PRKAR1B: variants seen among roughly 807,000 people sequenced by gnomAD.
PRKAR1B encodes the protein protein kinase cAMP-dependent type I regulatory subunit beta, also known as cAMP-dependent protein kinase type I-beta regulatory subunit.
PRKAR1B carries 22 observed loss-of-function variants against 46.5 expected under a neutral mutation model. The observed-to-expected ratio is 0.47, with a 90% CI of 0.34 to 0.68. The LOEUF is 0.68. Among genes scored for constraint, PRKAR1B ranks in the 30% least tolerant of loss-of-function variants. The probability of loss-of-function intolerance (pLI) is 0.01; values close to 1 mark genes in which losing one functional copy is unlikely to be tolerated. For synonymous variants in PRKAR1B, 259 were observed against 217.7 expected, an observed-to-expected ratio of 1.19 and a Z score of -1.67; for missense variants, 445 against 535.6, an observed-to-expected ratio of 0.83 and a Z score of 1.67.
intron 4 of PRKAR1B, among the ~76,000 whole-genome samples, chr7:642,511 G>T (rs1023162724): frequency 2.1e-4 from 32 of 152,036 alleles, no homozygotes; most frequent in African/African-American, 7.7e-4. Context: ...GGATCACGAG[G>T]TCAGGAGATC....
rs1217754758 is a variant in PRKAR1B, at chr7:550,535, A to C, written c.1041T>G (p.Cys347Trp). 1.2e-6 allele frequency: 2 copies of C among 1,605,708 alleles called. No homozygotes were observed. The highest frequency in any genetic ancestry group is 1.7e-6 in the Non-Finnish European group (2 of 1,176,660). ...ATVVARGPLK[C>W]VKLDRPRFER... ...CGAAGCGGGGCCGGTCCAGCTTCAC[A>C]CACTTGAGGGGCCCCCGGGCCACGA... Residue 347 changes from cysteine (C) to tryptophan (W), a missense_variant, in exon 11 of 11, where the codon TGT (cysteine) becomes TGG (tryptophan). By Grantham distance (215) the Cys-to-Trp change is radical. This residue lies in a region of PRKAR1B where 127 missense variants were observed against 138.0 expected (regional missense o/e 0.92). Coordinates refer to ENST00000537384, the MANE Select transcript of PRKAR1B (RefSeq NM_001164760.2).
Position 579,337 on chromosome 7 carries a change from C to T in PRKAR1B, c.810G>A (p.Ala270=), listed in dbSNP as rs77809618. The T allele has an allele frequency of 1.9e-3, 3,068 of 1,614,134 alleles. 18 individuals are homozygous for T. The highest frequency in any genetic ancestry group is 0.012 in the Middle Eastern group (72 of 6,062). ...CATCTTCAAACTGGACGGGCTCCAG[C>T]GCATCCGCCACGGTCAGACGCTCCC... ...EKWERLTVAD[A]LEPVQFEDGE... The change falls in exon 9 of 11, where the codon GCG becomes GCA. Residue 270 remains alanine (A), a synonymous_variant. Transcript: ENST00000537384.
intron 3 of PRKAR1B, among the ~76,000 whole-genome samples, chr7:677,635 C>A (rs561577578): frequency 6.6e-6 from 1 of 152,220 alleles, no homozygotes; most frequent in East Asian, 1.9e-4. Flanking sequence ...CTATGTTGCC[C>A]AGGCTGGTCT....
rs1175584128 is a variant in PRKAR1B at position 685,266 on chromosome 7, ATACG to A, written c.178-4544_178-4541del. Among the ~76,000 whole-genome samples the A allele has an allele frequency of 1.5e-3, 42 of 27,832 alleles. 7 individuals are homozygous for A. Among genetic ancestry groups the A allele is most frequent in the African/African-American group, 7.1e-3 (42 of 5,910 alleles). 18.3% of individuals were successfully genotyped at this position (27,832 alleles called of 152,430 possible). On this transcript the variant is annotated intron_variant, in intron 2 of 10. Coordinates refer to ENST00000537384, the MANE Select transcript of PRKAR1B (RefSeq NM_001164760.2). ...TATAACACGTTTTATATATACATATATACGTATATATACGTATATATATGTATAC... is the reference window on the plus strand; with the variant it reads ...TATAACACGTTTTATATATACATATATATATATACGTATATATATGTATAC...
chr7:655,256 A>T (rs1200600970), intron 4 of PRKAR1B, among the ~76,000 whole-genome samples: 2 of 152,186 alleles, frequency 1.3e-5, no homozygotes, highest in East Asian at 1.9e-4. Flanking sequence ...GCCCTACAAG[A>T]TCTGGCGCCT....
intron 9 of PRKAR1B, among the ~76,000 whole-genome samples, chr7:561,008 A>G (rs976568063): frequency 6.6e-6 from 1 of 151,504 alleles, no homozygotes; most frequent in African/African-American, 2.5e-5. Flanking sequence ...AGAATCCTAT[A>G]CATACACACA....
intron 4 of PRKAR1B, among the ~76,000 whole-genome samples, chr7:673,162 G>C (rs1786383232): frequency 1.3e-5 from 2 of 149,362 alleles, no homozygotes; most frequent in Admixed American, 1.4e-4. Context: ...GACTCTGTCT[G>C]CAAAGAGGGA....
In PRKAR1B at chr7:666,535, G is replaced by C. The variant is rs1359750897; in HGVS notation, c.440+10694C>G. On this transcript the variant is annotated intron_variant, in intron 4 of 10. Transcript: ENST00000537384. The surrounding 1 kb of genome is among the most constrained non-coding windows in gnomAD (Gnocchi z 4.9). ...TCAACTCTGCAGAGGGGCTGTGCAG[G>C]TGCCGTCCCAGGGGATAAGGACACC... Among the ~76,000 whole-genome samples the C allele has an allele frequency of 6.6e-6, 1 of 152,202 alleles. No individual in the cohort carries two copies. Among genetic ancestry groups the C allele is most frequent in the Non-Finnish European group, 1.5e-5 (1 of 68,034 alleles).
At chr7:617,633 T>C (rs1782901461) in intron 4 of PRKAR1B, among the ~76,000 whole-genome samples, 1 of 152,078 alleles carries the variant, frequency 6.6e-6, no homozygotes, top group South Asian at 2.1e-4. Context: ...GGGTGATGGG[T>C]CCTTGTCACC....
intron 4 of PRKAR1B, among the ~76,000 whole-genome samples, chr7:617,285 G>A (rs556646984): frequency 7.6e-4 from 110 of 144,974 alleles, no homozygotes; most frequent in African/African-American, 2.7e-3. Context: ...GAGGCACCAC[G>A]CAGGACCAAG....
intron 4 of PRKAR1B, among the ~76,000 whole-genome samples, chr7:609,184 G>A (rs964177803): frequency 8.1e-4 from 124 of 152,244 alleles, no homozygotes; most frequent in African/African-American, 2.6e-3. Flanking sequence ...TCCTGGCCAC[G>A]GCCTCCCTGG....
chr7:704,205 A>T (rs886557251), intron 2 of PRKAR1B, among the ~76,000 whole-genome samples: 13 of 152,178 alleles, frequency 8.5e-5, no homozygotes, highest in East Asian at 5.8e-4. Flanking sequence ...TAATAAAAAT[A>T]AGAGGAGAAA....
chr7:614,631 C>A (rs1562564217), intron 4 of PRKAR1B, among the ~76,000 whole-genome samples: 1 of 152,032 alleles, frequency 6.6e-6, no homozygotes, highest in Admixed American at 6.6e-5. Context: ...CTGGGCGTGG[C>A]CAGGCACAGT....
intron 7 of PRKAR1B, among the ~76,000 whole-genome samples, chr7:586,345 G>A (rs898293271): frequency 5.9e-5 from 9 of 151,646 alleles, no homozygotes; most frequent in African/African-American, 1.5e-4. Context: ...CTAAGACCAC[G>A]ATGAATAGGG....
intron 2 of PRKAR1B, among the ~76,000 whole-genome samples, chr7:693,617 C>A (rs532553881): frequency 2.0e-4 from 31 of 152,192 alleles, no homozygotes; most frequent in Non-Finnish European, 3.7e-4. Context: ...ACTTCCCTTG[C>A]GTGGAGAGGC....
chr7:640,321 C>T (rs1321039217), intron 4 of PRKAR1B, among the ~76,000 whole-genome samples: 1 of 152,146 alleles, frequency 6.6e-6, no homozygotes, highest in Non-Finnish European at 1.5e-5. Flanking sequence ...ATATAAAGAA[C>T]ACTTACAACT....
chr7:568,184 G>A (rs1562525010), intron 9 of PRKAR1B, among the ~76,000 whole-genome samples: 1 of 152,142 alleles, frequency 6.6e-6, no homozygotes. Context: ...TGAGGTCACA[G>A]CCCCCCGTGC....
intron 9 of PRKAR1B, among the ~76,000 whole-genome samples, chr7:559,236 A>C (rs780809540): frequency 3.3e-5 from 5 of 152,194 alleles, no homozygotes; most frequent in Admixed American, 6.5e-5. Flanking sequence ...GAATCAGTTC[A>C]GGGGGCGGCC....
intron 4 of PRKAR1B, among the ~76,000 whole-genome samples, chr7:655,282 C>G (rs1461053991): frequency 3.3e-5 from 5 of 152,226 alleles, no homozygotes; most frequent in African/African-American, 1.2e-4. Flanking sequence ...TCTGTGTTTT[C>G]ATCACCTGTC....
Sources: allele counts gnomAD v4.1 joint callset (sites outside exome capture counted in the v4.1 genomes callset), GRCh38; gene constraint gnomAD v4.1.1; regional missense constraint gnomAD v4.1.1; non-coding constraint Gnocchi (gnomAD v3.1); transcripts MANE v1.5; gene names NCBI Gene and HGNC (gene_info 2026-07-23, HGNC 2026-07-21).